The following DCLK1 variants were observed in gnomAD, a reference collection of about 807,000 sequenced individuals.
DCLK1 encodes doublecortin like kinase 1.
DCLK1 carries 16 observed loss-of-function variants against 86.2 expected under a neutral mutation model. The observed-to-expected ratio is 0.19, with a 90% CI of 0.13 to 0.28. The LOEUF (loss-of-function observed/expected upper bound fraction) is 0.28. Among genes scored for constraint, DCLK1 ranks in the 10% least tolerant of loss-of-function variants. The probability of loss-of-function intolerance (pLI) is 1.00; values close to 1 mark genes in which losing one functional copy is unlikely to be tolerated. For missense variants in DCLK1, 590 were observed against 940.2 expected, an observed-to-expected ratio of 0.63 and a Z score of 4.87; for synonymous variants, 369 against 370.5, an observed-to-expected ratio of 1.00 and a Z score of 0.05.
chr13:35,884,986 G>A (rs1227435158), intron 4 of DCLK1, among the ~76,000 whole-genome samples: 1 of 152,194 alleles, frequency 6.6e-6, no homozygotes, highest in African/African-American at 2.4e-5. Context: ...AGATGAGCCT[G>A]CCTTGTTCAG....
At chr13:35,863,615 T>A (rs1871562930) in intron 5 of DCLK1, among the ~76,000 whole-genome samples, 1 of 152,188 alleles carries the variant, frequency 6.6e-6, no homozygotes, top group Non-Finnish European at 1.5e-5. Context: ...ACCTCTCGAT[T>A]TTCTTGATGC....
At chr13:36,077,667 T>A (rs910629412) in intron 3 of DCLK1, among the ~76,000 whole-genome samples, 2 of 152,130 alleles carry the variant, frequency 1.3e-5, no homozygotes, top group East Asian at 3.9e-4. Context: ...GCAAACAGAT[T>A]GATGACTTGG....
intron 3 of DCLK1, among the ~76,000 whole-genome samples, chr13:36,062,657 T>A (rs1368690538): frequency 6.6e-6 from 1 of 152,182 alleles, no homozygotes; most frequent in Non-Finnish European, 1.5e-5. Context: ...GATATCCAAA[T>A]AATCGCTATG....
intron 4 of DCLK1, among the ~76,000 whole-genome samples, chr13:35,912,413 C>G (rs1182831788): frequency 6.6e-6 from 1 of 152,148 alleles, no homozygotes; most frequent in Non-Finnish European, 1.5e-5. Flanking sequence ...GCCCACCCCA[C>G]CCCCAGTCCT....
intron 4 of DCLK1, among the ~76,000 whole-genome samples, chr13:35,922,600 G>A (rs771052058): frequency 1.7e-4 from 26 of 152,288 alleles, no homozygotes; most frequent in Non-Finnish European, 1.9e-4. Context: ...TGCGCAAACT[G>A]CAAGAACACA....
intron 6 of DCLK1, among the ~76,000 whole-genome samples, chr13:35,842,693 G>A (rs2153108522): frequency 6.6e-6 from 1 of 152,322 alleles, no homozygotes; most frequent in East Asian, 1.9e-4. Context: ...CCACAGCTAT[G>A]TCATGTCTCC....
chr13:36,020,643 T>A (rs1881737412), intron 3 of DCLK1, among the ~76,000 whole-genome samples: 1 of 152,108 alleles, frequency 6.6e-6, no homozygotes, highest in African/African-American at 2.4e-5. Flanking sequence ...GCATACAACT[T>A]AATAAGAGTC....
intron 10 of DCLK1, 140 bp downstream of exon 10, chr13:35,827,495 T>C: frequency 3.8e-6 from 4 of 1,041,838 alleles, no homozygotes; most frequent in East Asian, 5.2e-5. Flanking sequence ...ACCATTCTCC[T>C]GTGAACATTC....
At chr13:35,910,446 G>T (rs1175181073) in intron 4 of DCLK1, among the ~76,000 whole-genome samples, 1 of 152,224 alleles carries the variant, frequency 6.6e-6, no homozygotes, top group Non-Finnish European at 1.5e-5. Context: ...TATGGATTTT[G>T]TGCCTAATAG....
intron 16 of DCLK1, among the ~76,000 whole-genome samples, chr13:35,775,635 A>C (rs1468880060): frequency 6.6e-6 from 1 of 152,158 alleles, no homozygotes; most frequent in Non-Finnish European, 1.5e-5. Flanking sequence ...AATATAGAAC[A>C]CATATAAAAG....
At chr13:35,782,491 T>C (rs1330160998) in intron 16 of DCLK1, among the ~76,000 whole-genome samples, 1 of 152,234 alleles carries the variant, frequency 6.6e-6, no homozygotes, top group Admixed American at 6.5e-5. Flanking sequence ...CAGGGATAGT[T>C]CCTTTAATTG....
intron 3 of DCLK1, among the ~76,000 whole-genome samples, chr13:36,056,638 A>G (rs1883325880): frequency 7.3e-6 from 1 of 137,572 alleles, no homozygotes; most frequent in Admixed American, 7.1e-5. Flanking sequence ...AAAAAAAAAG[A>G]AAGAAATTCC....
At chr13:35,923,597 GC>G (rs562408800) in intron 4 of DCLK1, among the ~76,000 whole-genome samples, 313 of 152,082 alleles carry the variant, frequency 2.1e-3, no homozygotes, top group African/African-American at 7.2e-3. Flanking sequence ...ACACACGCTG[GC>G]TCAGCCCCTG....
chr13:35,997,085 T>C (rs1880509607), intron 3 of DCLK1, among the ~76,000 whole-genome samples: 1 of 152,208 alleles, frequency 6.6e-6, no homozygotes, highest in African/African-American at 2.4e-5. Context: ...AAAAGCCAAT[T>C]AGTTTCCAGA....
At position 35,966,845 on chromosome 13, in the gene DCLK1, C is replaced by T. The variant is rs948442313; in HGVS notation, c.724-19388G>A. On this transcript the variant is annotated intron_variant, in intron 3 of 16. Transcript: ENST00000360631. Reference sequence around the variant, plus strand: ...GGCTGGAGTGCAGTGGCGTGATCTCCGCTCGCTACCACCTCCACCTCCCAG... The same window carrying T: ...GGCTGGAGTGCAGTGGCGTGATCTCTGCTCGCTACCACCTCCACCTCCCAG... 1.3e-3 allele frequency among the ~76,000 whole-genome samples: 197 copies of T among 152,042 alleles called. No homozygotes were observed. In the East Asian group the frequency reaches 0.032, roughly 25 times the overall value.
chr13:35,921,964 T>C (rs1011181901), intron 4 of DCLK1, among the ~76,000 whole-genome samples: 2 of 152,102 alleles, frequency 1.3e-5, no homozygotes, highest in Non-Finnish European at 2.9e-5. Context: ...GAAGTAAAAA[T>C]AAATAGAGAA....
chr13:36,118,483 T>C (rs914606654), intron 2 of DCLK1, among the ~76,000 whole-genome samples: 1 of 152,026 alleles, frequency 6.6e-6, no homozygotes. Flanking sequence ...CCACAATAGA[T>C]ACAATTAGAA....
At chr13:36,097,469 A>G (rs954564457) in intron 3 of DCLK1, among the ~76,000 whole-genome samples, 1 of 152,214 alleles carries the variant, frequency 6.6e-6, no homozygotes, top group Non-Finnish European at 1.5e-5. Context: ...TGTACTGTAT[A>G]TCTCTGTGAT....
intron 8 of DCLK1, among the ~76,000 whole-genome samples, chr13:35,832,553 A>C (rs189269164): frequency 6.6e-6 from 1 of 152,244 alleles, no homozygotes; most frequent in African/African-American, 2.4e-5. Flanking sequence ...GCCCAGCATA[A>C]GCCTGAACTA....
Sources: allele counts gnomAD v4.1 joint callset (sites outside exome capture counted in the v4.1 genomes callset), GRCh38; gene constraint gnomAD v4.1.1; transcripts MANE v1.5; gene names NCBI Gene and HGNC (gene_info 2026-07-23, HGNC 2026-07-21).